The following ROBO2 variants were observed in gnomAD, a reference collection of about 807,000 sequenced individuals.
The protein encoded by ROBO2 is roundabout homolog 2.
Under a neutral mutation model 160.8 loss-of-function variants are expected in ROBO2, and 53 were observed. The ratio of observed to expected loss-of-function variants is 0.33; its 90% confidence interval spans 0.26 to 0.41. The LOEUF is 0.41. Ranked by LOEUF, ROBO2 falls within the 10% of genes least tolerant of loss-of-function variation. ROBO2 has a pLI of 1.00. For synonymous variants in ROBO2, 664 were observed against 611.7 expected, an observed-to-expected ratio of 1.09 and a Z score of -1.26; for missense variants, 1,577 against 1,722.4, an observed-to-expected ratio of 0.92 and a Z score of 1.49.
intron 4 of ROBO2, among the ~76,000 whole-genome samples, chr3:77,484,788 A>C (rs1024267375): frequency 6.6e-6 from 1 of 151,942 alleles, no homozygotes; most frequent in African/African-American, 2.4e-5. Flanking sequence ...ATTAATATTC[A>C]GAATTTGAGT....
At chr3:76,951,988 T>TC (rs1438946337) in intron 2 of ROBO2, among the ~76,000 whole-genome samples, 5 of 152,232 alleles carry the variant, frequency 3.3e-5, no homozygotes, top group African/African-American at 1.2e-4. Flanking sequence ...ATGTATTTTT[T>TC]CTCACACACA....
chr3:76,487,375 A>G (rs2079556320), intron 2 of ROBO2, among the ~76,000 whole-genome samples: 1 of 152,082 alleles, frequency 6.6e-6, no homozygotes, highest in Admixed American at 6.6e-5. Context: ...GGGGATAAAA[A>G]CGTATGTAAA....
chr3:76,080,625 A>G (rs985223445), intron 2 of ROBO2, among the ~76,000 whole-genome samples: 1 of 152,158 alleles, frequency 6.6e-6, no homozygotes, highest in Non-Finnish European at 1.5e-5. Flanking sequence ...CTCACTGTCT[A>G]CTCAGTTGTC....
At chr3:76,301,048 A>G (rs1369773880) in intron 2 of ROBO2, among the ~76,000 whole-genome samples, 4 of 152,122 alleles carry the variant, frequency 2.6e-5, no homozygotes, top group African/African-American at 9.7e-5. Flanking sequence ...TTAGGAAGAA[A>G]GAAGAAAGGA....
intron 4 of ROBO2, among the ~76,000 whole-genome samples, chr3:77,481,454 A>G (rs536078645): frequency 6.6e-6 from 1 of 152,170 alleles, no homozygotes; most frequent in African/African-American, 2.4e-5. Flanking sequence ...AAGATTTTGC[A>G]GTTCATCAAA....
intron 2 of ROBO2, among the ~76,000 whole-genome samples, chr3:76,672,298 C>T (rs1246101597): frequency 6.6e-6 from 1 of 152,000 alleles, no homozygotes; most frequent in Non-Finnish European, 1.5e-5. Context: ...CCAGAACTAC[C>T]ACATAAAACT....
At chr3:76,331,483 G>A (rs1043450606) in intron 2 of ROBO2, among the ~76,000 whole-genome samples, 2 of 151,204 alleles carry the variant, frequency 1.3e-5, no homozygotes, top group Admixed American at 6.6e-5. Flanking sequence ...TTCTTTCTCA[G>A]TGTCTTTCAC....
chr3:76,820,078 T>A (rs540985119), intron 2 of ROBO2, among the ~76,000 whole-genome samples: 9 of 152,198 alleles, frequency 5.9e-5, no homozygotes, highest in South Asian at 4.1e-4. Context: ...TGGTTCAATA[T>A]CGCCCTGCTA....
chr3:76,024,573 A>T (rs2066675680), intron 2 of ROBO2, among the ~76,000 whole-genome samples: 1 of 151,672 alleles, frequency 6.6e-6, no homozygotes, highest in Admixed American at 6.6e-5. Context: ...ACGCATTTTC[A>T]ACTGGAAGCT....
At chr3:76,200,559 A>C (rs927036373) in intron 2 of ROBO2, among the ~76,000 whole-genome samples, 1 of 152,110 alleles carries the variant, frequency 6.6e-6, no homozygotes, top group Non-Finnish European at 1.5e-5. Context: ...ATAGATTAAT[A>C]CGTCCAGTAT....
intron 2 of ROBO2, among the ~76,000 whole-genome samples, chr3:77,154,327 A>T (rs2077795874): frequency 6.6e-6 from 1 of 152,126 alleles, no homozygotes; most frequent in South Asian, 2.1e-4. Flanking sequence ...TTAGCTAAAT[A>T]TGTCCTCAAA....
chr3:76,496,318 C>T (rs550814684), intron 2 of ROBO2, among the ~76,000 whole-genome samples: 71 of 152,162 alleles, frequency 4.7e-4, no homozygotes, highest in Non-Finnish European at 6.5e-4. Flanking sequence ...AGAGAATGAC[C>T]GTAATTAATC....
chr3:76,500,490 G>T (rs2080399093), intron 2 of ROBO2, among the ~76,000 whole-genome samples: 1 of 152,172 alleles, frequency 6.6e-6, no homozygotes, highest in African/African-American at 2.4e-5. Context: ...TTCCTGAAGT[G>T]CCTAACTACC....
At chr3:77,375,557 TG>T (rs2072518770) in intron 2 of ROBO2, among the ~76,000 whole-genome samples, 1 of 152,196 alleles carries the variant, frequency 6.6e-6, no homozygotes, top group Non-Finnish European at 1.5e-5. Flanking sequence ...CCGCACTTTT[TG>T]TTAAGTCTAA....
At chr3:77,076,528 CATA>C (rs1440327877) in intron 1 of ROBO2, among the ~76,000 whole-genome samples, 2 of 151,878 alleles carry the variant, frequency 1.3e-5, no homozygotes, top group Non-Finnish European at 2.9e-5. Flanking sequence ...CTGTTATTCT[CATA>C]ATGAGTAAAT....
At chr3:77,531,341 C>G (rs2091710867) in intron 6 of ROBO2, among the ~76,000 whole-genome samples, 1 of 151,622 alleles carries the variant, frequency 6.6e-6, no homozygotes, top group Admixed American at 6.6e-5. Context: ...GCAAAATTCA[C>G]CATTTAAAAA....
At chr3:76,361,399 G>T (rs1301374552) in intron 2 of ROBO2, among the ~76,000 whole-genome samples, 1 of 152,026 alleles carries the variant, frequency 6.6e-6, no homozygotes, top group African/African-American at 2.4e-5. Context: ...ATTTATTTCT[G>T]TGCCTATGCA....
At chr3:77,462,629 AC>A (rs2082361629) in intron 2 of ROBO2, among the ~76,000 whole-genome samples, 1 of 152,182 alleles carries the variant, frequency 6.6e-6, no homozygotes, top group Admixed American at 6.5e-5. Context: ...CCGTCAATAT[AC>A]TTTTTCTTTA....
chr3:77,192,448 C>G (rs1021265181), intron 2 of ROBO2, among the ~76,000 whole-genome samples: 1 of 152,056 alleles, frequency 6.6e-6, no homozygotes, highest in Non-Finnish European at 1.5e-5. Flanking sequence ...TTGAATGTAG[C>G]TATTCAAGTT....
Sources: gnomAD v4.1 joint callset for allele counts (sites outside exome capture counted in the v4.1 genomes callset) on GRCh38, gnomAD v4.1.1 for gene constraint, MANE v1.5 for transcripts, NCBI Gene and HGNC (gene_info 2026-07-23, HGNC 2026-07-21) for gene names.